Variants in LAMP3 observed in about 807,000 individuals in gnomAD.
The protein encoded by LAMP3 is lysosome associated membrane protein 3, also known as lysosome-associated membrane glycoprotein 3.
In LAMP3, 26 loss-of-function variants were observed where a neutral mutation model predicts 34.8. The observed-to-expected ratio is 0.75, with a 90% CI of 0.55 to 1.04. LAMP3 has a LOEUF of 1.04. LAMP3 is among the 50% of genes least tolerant of loss of function. LAMP3 has a pLI of 0.00. For missense variants in LAMP3, 495 were observed against 524.0 expected (o/e 0.94, Z 0.54); for synonymous variants, 180 against 201.9 (o/e 0.89, Z 0.92).
At chr3:183,146,303 T>C (rs758600230) in intron 3 of LAMP3, among the ~76,000 whole-genome samples, 3 of 152,174 alleles carry the variant, frequency 2.0e-5, no homozygotes, top group South Asian at 4.1e-4. Flanking sequence ...CAAATGTTAA[T>C]ACTGTTGCTG....
At chr3:183,151,417 G>A (rs1367496663) in intron 3 of LAMP3, among the ~76,000 whole-genome samples, 4 of 150,962 alleles carry the variant, frequency 2.6e-5, no homozygotes, top group Non-Finnish European at 5.9e-5. Context: ...CGTGTATGGG[G>A]CATGCTCTTT....
chr3:183,151,849 C>T (rs968191289), intron 3 of LAMP3, among the ~76,000 whole-genome samples: 1 of 152,164 alleles, frequency 6.6e-6, no homozygotes, highest in African/African-American at 2.4e-5. Context: ...GAGCCAAATC[C>T]GCAGTGAGAC....
At chr3:183,137,592 G>A (rs1720138286) in intron 4 of LAMP3, among the ~76,000 whole-genome samples, 1 of 152,012 alleles carries the variant, frequency 6.6e-6, no homozygotes, top group Non-Finnish European at 1.5e-5. Flanking sequence ...TACACTGCCG[G>A]GTCACGTGTT....
chr3:183,143,737 A>G (rs1186973830), intron 3 of LAMP3, among the ~76,000 whole-genome samples: 1 of 152,230 alleles, frequency 6.6e-6, no homozygotes, highest in Non-Finnish European at 1.5e-5. Flanking sequence ...TACACAATTT[A>G]TGCTATGGAA....
intron 1 of LAMP3, chr3:183,161,942 A>G: frequency 1.0e-6 from 1 of 985,270 alleles, no homozygotes; most frequent in South Asian, 4.7e-5. Flanking sequence ...CATTCCTAGC[A>G]TTCATGTTAC....
rs1161119989 is a variant in LAMP3, at chr3:183,154,262, G to C, written c.179C>G (p.Pro60Arg). The C allele has an allele frequency of 1.2e-6, 2 of 1,614,116 alleles. No individual in the cohort carries two copies. Among genetic ancestry groups the C allele is most frequent in the Non-Finnish European group, 1.7e-6 (2 of 1,180,016 alleles). ...GAATCTTGCTGCTAAAGTTTGGTGA[G>C]GTGCTTGCTTAGCTGGTTGCTGGAC... ...KPVQQPAKQAPHQTLAARFMD... is the reference protein window; with the variant it reads ...KPVQQPAKQARHQTLAARFMD... The change falls in exon 2 of 6, where the codon CCT becomes CGT. Residue 60 changes from proline to arginine, a missense_variant. Pro to Arg is a moderately radical substitution (Grantham distance 103, BLOSUM62 -2). Transcript: ENST00000265598.
chr3:183,142,924 G>T (rs1720330087), intron 3 of LAMP3, among the ~76,000 whole-genome samples: 1 of 152,166 alleles, frequency 6.6e-6, no homozygotes. Context: ...CAGGGCCACT[G>T]CTGTTCCACA....
At chr3:183,131,645 C>A (rs1377435488) in intron 5 of LAMP3, among the ~76,000 whole-genome samples, 2 of 152,088 alleles carry the variant, frequency 1.3e-5, no homozygotes, top group African/African-American at 4.8e-5. Flanking sequence ...ACAAGGAGAG[C>A]AAAAATGCCT....
chr3:183,160,354 T>C (rs536656534), intron 1 of LAMP3, among the ~76,000 whole-genome samples: 1 of 152,350 alleles, frequency 6.6e-6, no homozygotes, highest in East Asian at 1.9e-4. Context: ...CAGGATCATG[T>C]AGCACAGTAG....
At position 183,141,962 on chromosome 3, in the gene LAMP3, C is replaced by A. The variant is rs546977617; in HGVS notation, c.889-1367G>T. On this transcript the variant is annotated intron_variant, in intron 3 of 5. Transcript: ENST00000265598. ...TAGCCTTTAACGTCTCTTTCATACC[C>A]ACTCCATGCCAGGGATTGTTCTTGG... Among the ~76,000 whole-genome samples, 6 of 152,306 alleles carry A rather than the reference C, an allele frequency of 3.9e-5. No individual in the cohort carries two copies. The South Asian group carries it at 1.2e-3, about 32-fold the overall frequency.
At chr3:183,137,188 G>A (rs1324070136) in intron 4 of LAMP3, among the ~76,000 whole-genome samples, 2 of 151,278 alleles carry the variant, frequency 1.3e-5, no homozygotes, top group Non-Finnish European at 2.9e-5. Context: ...CATGGAGGTG[G>A]GCACATGCAA....
intron 5 of LAMP3, chr3:183,132,533 TGTCTC>T (rs1234553316): frequency 1.0e-6 from 1 of 985,304 alleles, no homozygotes; most frequent in East Asian, 1.1e-4. Flanking sequence ...ACCCCACTCA[TGTCTC>T]TGCCTATTGC....
intron 4 of LAMP3, among the ~76,000 whole-genome samples, chr3:183,140,116 A>G (rs1720227321): frequency 1.3e-5 from 2 of 152,264 alleles, no homozygotes; most frequent in Non-Finnish European, 2.9e-5. Context: ...GTTCCTTAGA[A>G]GCAGCATCGG....
intron 3 of LAMP3, among the ~76,000 whole-genome samples, chr3:183,151,616 C>T (rs567344941): frequency 1.3e-5 from 2 of 152,018 alleles, no homozygotes; most frequent in East Asian, 3.9e-4. Flanking sequence ...TCAGTAGAGA[C>T]GGGCTTTCAC....
Position 183,153,682 on chromosome 3 carries a change from C to T in LAMP3, c.759G>A (p.Ser253=), listed in dbSNP as rs775409466. Residue 253 remains serine (S), a splice_region_variant and synonymous_variant, in exon 2 of 6, where the codon TCG becomes TCA. Coordinates refer to ENST00000265598, the MANE Select transcript of LAMP3 (RefSeq NM_014398.4). ...TTATAGTCCTGTGGCCCCAACTTAC[C>T]GACTCCTTGTCTTGAACAATCAGCT... The part of the protein sequence containing the change: ...GIQLIVQDKE[S]VFSPRRYFNI... 21 of 1,512,896 alleles carry T rather than the reference C, an allele frequency of 1.4e-5. No individual in the cohort carries two copies. Among genetic ancestry groups the T allele is most frequent in the Middle Eastern group, 1.8e-4 (1 of 5,608 alleles). The allele number at this position is 1,512,896 out of a possible 1,614,324, so 93.7% of individuals were successfully genotyped here.
chr3:183,152,973 G>A (rs993928050), intron 2 of LAMP3, among the ~76,000 whole-genome samples: 5 of 152,022 alleles, frequency 3.3e-5, no homozygotes, highest in East Asian at 1.9e-4. Context: ...TCAGGAGTTC[G>A]AGACCAGCCT....
At chr3:183,145,304 C>T (rs1352015156) in intron 3 of LAMP3, among the ~76,000 whole-genome samples, 1 of 152,134 alleles carries the variant, frequency 6.6e-6, no homozygotes, top group Non-Finnish European at 1.5e-5. Context: ...AAATCCACCT[C>T]TCCTGACCCC....
rs188125360 is a variant in LAMP3 at position 183,131,759 on chromosome 3, T to C, written c.1117+3958A>G. 52 of 281,654 alleles carry C rather than the reference T, an allele frequency of 1.8e-4. 1 individual carries two copies. In the East Asian group the frequency reaches 7.5e-3, roughly 41 times the overall value. 17.4% of individuals were successfully genotyped at this position (281,654 alleles called of 1,614,324 possible). A position where few individuals can be genotyped will look rare whatever the true frequency, so the allele number is the denominator to read the frequency against. On this transcript the variant is annotated intron_variant, in intron 5 of 5. Transcript: ENST00000265598. ...ATAATGAATGGCACCTCTGGAAAAT[T>C]TGGAAAAACAAGAAAACTTCCAGTC...
chr3:183,153,856 C>T lies in LAMP3; in HGVS notation c.585G>A (p.Thr195=), dbSNP rs150142221. ...TGCGGGTGGTATTGTGGGCAGCTGC[C>T]GTTGTTCCTGGGGCATGGGTGGGTT... is the stretch of plus-strand genomic sequence containing the variant. ...PVQPTHAPGT[T]AAAHNTTRTA... Residue 195 remains threonine (T), a synonymous_variant, in exon 2 of 6, where the codon ACG becomes ACA. Coordinates refer to ENST00000265598, the MANE Select transcript of LAMP3 (RefSeq NM_014398.4). The T allele has an allele frequency of 1.1e-4, 177 of 1,611,820 alleles. No individual in the cohort carries two copies. The highest frequency in any genetic ancestry group is 3.2e-4 in the African/African-American group (24 of 74,960).
Sources: allele counts gnomAD v4.1 joint callset (sites outside exome capture counted in the v4.1 genomes callset), GRCh38; gene constraint gnomAD v4.1.1; transcripts MANE v1.5; gene names NCBI Gene and HGNC (gene_info 2026-07-23, HGNC 2026-07-21).